The following ENTPD2 variants were observed in gnomAD, a reference collection of about 807,000 sequenced individuals.
ENTPD2 encodes CD39 antigen-like 1.
Under a neutral mutation model 46.8 loss-of-function variants are expected in ENTPD2, and 48 were observed. That is an observed-to-expected ratio of 1.03 (90% CI 0.81 to 1.30). The LOEUF is 1.30. Ranked by LOEUF, ENTPD2 falls within the 50% of genes most tolerant of loss-of-function variation. The probability of loss-of-function intolerance (pLI) is 0.00; values close to 1 mark genes in which losing one functional copy is unlikely to be tolerated. For synonymous variants in ENTPD2, 316 were observed against 286.1 expected (o/e 1.10, Z -1.06); for missense variants, 707 against 651.1 (o/e 1.09, Z -0.93).
In ENTPD2 at chr9:137,048,496, G is replaced by C; in HGVS notation, c.*161C>G. ...AGCGGTGGGGGATAGAGGGTGGGTG[G>C]AGGAATGCAGGATACAGGGGCGGGG... On this transcript the variant is annotated 3_prime_UTR_variant, in exon 9 of 9. Transcript: ENST00000355097. The C allele has an allele frequency of 1.8e-6, 1 of 568,988 alleles. No individual in the cohort carries two copies. The highest frequency in any genetic ancestry group is 3.0e-6 in the Non-Finnish European group (1 of 328,880). The allele number at this position is 568,988 out of a possible 1,614,324, so 35.2% of individuals were successfully genotyped here.
At position 137,052,361 on chromosome 9, in the gene ENTPD2, G is replaced by T; in HGVS notation, c.118-13C>A. The T allele has an allele frequency of 2.8e-6, 4 of 1,452,036 alleles. No homozygotes were observed. The highest frequency in any genetic ancestry group is 2.3e-5 in the South Asian group (2 of 87,496). The allele number at this position is 1,452,036 out of a possible 1,614,324, so 89.9% of individuals were successfully genotyped here. A position where few individuals can be genotyped will look rare whatever the true frequency, so the allele number is the denominator to read the frequency against. The stretch of plus-strand genomic sequence containing the variant: ...GGACGATGCCATACTGCGGGGGAGG[G>T]GGAGGGAGTCAGCCTGGGGTGTCCG... On this transcript the variant is annotated splice_polypyrimidine_tract_variant and intron_variant, in intron 1 of 8. Coordinates refer to ENST00000355097, the MANE Select transcript of ENTPD2 (RefSeq NM_203468.3).
At chr9:137,051,773 C>CA in intron 2 of ENTPD2, 113 bp from the exon 3 acceptor site, 1 of 1,420,904 alleles carries the variant, frequency 7.0e-7, no homozygotes, top group Non-Finnish European at 9.2e-7. Context: ...CCAGGTGGCA[C>CA]ACCTTCCCTG....
At position 137,049,024 on chromosome 9, in the gene ENTPD2, C is replaced by A; in HGVS notation, c.1201G>T (p.Gly401Trp). 6.5e-7 allele frequency: 1 copy of A among 1,537,082 alleles called. No homozygotes were observed. Among genetic ancestry groups the A allele is most frequent in the Non-Finnish European group, 8.7e-7 (1 of 1,145,552 alleles). Residue 401 changes from glycine (G) to tryptophan (W), a missense_variant, in exon 8 of 9, where the codon GGG becomes TGG. By Grantham distance (184) the Gly-to-Trp change is radical. Coordinates refer to ENST00000355097, the MANE Select transcript of ENTPD2 (RefSeq NM_203468.3). The stretch of plus-strand genomic sequence containing the variant: ...AGCAGCTGCTGCACGAACATGGCCC[C>A]GGCGCAGTAGTCGGCCAGGCGGGCC... Reference protein sequence around the residue: ...QRARLADYCAGAMFVQQLLSR... With the variant: ...QRARLADYCAWAMFVQQLLSR...
In ENTPD2 at chr9:137,052,362, G is replaced by A. The variant is rs1832316047; in HGVS notation, c.118-14C>T. On this transcript the variant is annotated splice_polypyrimidine_tract_variant and intron_variant, in intron 1 of 8. Coordinates refer to ENST00000355097, the MANE Select transcript of ENTPD2 (RefSeq NM_203468.3). ...GACGATGCCATACTGCGGGGGAGGG[G>A]GAGGGAGTCAGCCTGGGGTGTCCGG... 1.1e-5 allele frequency: 16 copies of A among 1,442,986 alleles called. No homozygotes were observed. The highest frequency in any genetic ancestry group is 1.6e-5 in the Non-Finnish European group (16 of 1,030,064). 89.4% of individuals were successfully genotyped at this position (1,442,986 alleles called of 1,614,324 possible). A position where few individuals can be genotyped will look rare whatever the true frequency, so the allele number is the denominator to read the frequency against.
rs1215177629 is a variant in ENTPD2, at chr9:137,048,859, G to A, written c.1286C>T (p.Ala429Val). ...CGCCCAGCCCACTGCAGTGTCCGCGGCCTGCGGGGAAGGGCGTGGCCTCAG... is the reference window on the plus strand; with the variant it reads ...CGCCCAGCCCACTGCAGTGTCCGCGACCTGCGGGGAAGGGCGTGGCCTCAG... ...AFGGVIFQKK[A>V]ADTAVGWALG... The change falls in exon 9 of 9, where the codon GCC becomes GTC. Residue 429 changes from alanine to valine, a missense_variant and splice_region_variant. Coordinates refer to ENST00000355097, the MANE Select transcript of ENTPD2 (RefSeq NM_203468.3). 2.6e-6 allele frequency: 4 copies of A among 1,533,690 alleles called. No homozygotes were observed. The highest frequency in any genetic ancestry group is 3.5e-6 in the Non-Finnish European group (4 of 1,142,650).
rs754223882 is a variant in ENTPD2 at position 137,049,861 on chromosome 9, G to A, written c.1149+9C>T. ...CGCACAGCCCTGAAGGAGTGGGAGC[G>A]GGGCTCACCTGAGCCCAGGTCTGGT... On this transcript the variant is annotated intron_variant, in intron 7 of 8. Transcript: ENST00000355097. 2.6e-5 allele frequency: 41 copies of A among 1,607,220 alleles called. No individual in the cohort carries two copies. The highest frequency in any genetic ancestry group is 3.1e-5 in the Non-Finnish European group (37 of 1,177,298).
intron 2 of ENTPD2, 136 bp downstream of exon 2, chr9:137,052,095 C>T: frequency 1.3e-6 from 1 of 779,728 alleles, no homozygotes; most frequent in African/African-American, 1.7e-5. Flanking sequence ...GCACCAGCCT[C>T]TCTCTTTCCA....
rs374694972 is a variant in ENTPD2, at chr9:137,050,555, C to T, written c.775-17G>A. 39 of 1,607,930 alleles carry T rather than the reference C, an allele frequency of 2.4e-5. No homozygotes were observed. Among genetic ancestry groups the T allele is most frequent in the South Asian group, 4.4e-5 (4 of 90,778 alleles). ...GCCGTGGGTCTGGGGGAATCACCAG[C>T]GTGACAGGGTGGCACCACCACCGCT... is the stretch of plus-strand genomic sequence containing the variant. On this transcript the variant is annotated splice_polypyrimidine_tract_variant and intron_variant, in intron 5 of 8. Coordinates refer to ENST00000355097, the MANE Select transcript of ENTPD2 (RefSeq NM_203468.3).
At chr9:137,049,223 A>G (rs1441128122) in intron 7 of ENTPD2, 148 bp from the exon 8 acceptor site, 8 of 1,323,262 alleles carry the variant, frequency 6.0e-6, no homozygotes, top group Non-Finnish European at 8.4e-6. Flanking sequence ...CCGGACACGA[A>G]TGGCAAGACC....
At chr9:137,052,488 AGAG>A in intron 1 of ENTPD2, 140 bp from the exon 2 acceptor site, 5 of 648,674 alleles carry the variant, frequency 7.7e-6, no homozygotes, top group Non-Finnish European at 1.3e-5. Context: ...GCTGAAGCTC[AGAG>A]GAGGCCAGGG....
intron 7 of ENTPD2, 116 bp downstream of exon 7, chr9:137,049,754 T>C: frequency 8.3e-7 from 1 of 1,207,198 alleles, no homozygotes; most frequent in Non-Finnish European, 1.1e-6. Context: ...ATGCCTGCCA[T>C]CGCCCCCACT....
rs774359077 is a variant in ENTPD2, at chr9:137,049,171, G to A, written c.1150-96C>T. 56 of 1,524,438 alleles carry A rather than the reference G, an allele frequency of 3.7e-5. 3 individuals are homozygous for A. The South Asian group carries it at 5.9e-4, about 16-fold the overall frequency. 94.4% of individuals were successfully genotyped at this position (1,524,438 alleles called of 1,614,324 possible). A position where few individuals can be genotyped will look rare whatever the true frequency, so the allele number is the denominator to read the frequency against. ...CGGCGGCGTGCTTCACCCCTCCCCA[G>A]ACACACACGGGCCGTGCGAGGCCAG... On this transcript the variant is annotated intron_variant, in intron 7 of 8. Coordinates refer to ENST00000355097, the MANE Select transcript of ENTPD2 (RefSeq NM_203468.3).
At chr9:137,051,780 C>T in intron 2 of ENTPD2, 120 bp from the exon 3 acceptor site, 2 of 1,395,278 alleles carry the variant, frequency 1.4e-6, no homozygotes, top group Non-Finnish European at 1.9e-6. Context: ...GCACACCTTC[C>T]CTGCTTAAGC....
chr9:137,050,018 G>T, intron 6 of ENTPD2, 29 bp from the exon 7 acceptor site: 2 of 1,598,850 alleles, frequency 1.3e-6, no homozygotes. Context: ...CACTGTGACC[G>T]AACCCCAGCG....
Position 137,051,641 on chromosome 9 carries a change from A to G in ENTPD2, c.255T>C (p.Tyr85=), listed in dbSNP as rs769941669. 15 of 1,611,534 alleles carry G rather than the reference A, an allele frequency of 9.3e-6. No individual in the cohort carries two copies. The Admixed American group carries it at 1.8e-4, about 20-fold the overall frequency. The stretch of plus-strand genomic sequence containing the variant: ...GGCTGGCCCCAGAAGGGTTGTCTGC[A>G]TAGCTGGAGATGCCCCCACCTAGAG... The part of the protein sequence containing the change: ...CDVPGGGISS[Y]ADNPSGASQS... The change falls in exon 3 of 9, where the codon TAT becomes TAC. Residue 85 remains tyrosine (Y), a synonymous_variant. Coordinates refer to ENST00000355097, the MANE Select transcript of ENTPD2 (RefSeq NM_203468.3).
rs1296563328 is a variant in ENTPD2, at chr9:137,048,534, AGAGGGGTGGGTG to A, written c.*111_*122del. On this transcript the variant is annotated 3_prime_UTR_variant, in exon 9 of 9. Transcript: ENST00000355097. ...TACAGGGGCGGGGAGAGAGGTTGGG[AGAGGGGTGGGTG>A]GAGGGGTGGGGATACAGGGGTGGGA... 8 of 617,696 alleles carry A rather than the reference AGAGGGGTGGGTG, an allele frequency of 1.3e-5. No homozygotes were observed. The highest frequency in any genetic ancestry group is 3.4e-5 in the Admixed American group (1 of 29,268). 38.3% of individuals were successfully genotyped at this position (617,696 alleles called of 1,614,324 possible). A position where few individuals can be genotyped will look rare whatever the true frequency, so the allele number is the denominator to read the frequency against.
At position 137,048,924 on chromosome 9, in the gene ENTPD2, G is replaced by GC; in HGVS notation, c.1284+16dup. 2 of 701,432 alleles carry GC rather than the reference G, an allele frequency of 2.9e-6. No homozygotes were observed. The highest frequency in any genetic ancestry group is 2.1e-6 in the Non-Finnish European group (1 of 472,494). 43.5% of individuals were successfully genotyped at this position (701,432 alleles called of 1,614,324 possible). A position where few individuals can be genotyped will look rare whatever the true frequency, so the allele number is the denominator to read the frequency against. On this transcript the variant is annotated intron_variant, in intron 8 of 8. Coordinates refer to ENST00000355097, the MANE Select transcript of ENTPD2 (RefSeq NM_203468.3). The stretch of plus-strand genomic sequence containing the variant: ...CGCCCCGCAAGGTCGGCCCCGCCCC[G>GC]CCCCGCCCCAGCCCACCTTCTTCTG...
In ENTPD2 at chr9:137,048,785, C is replaced by CCGGCGGGT; in HGVS notation, c.1352_1359dup (p.Gly454ThrfsTer127). 1 of 1,591,566 alleles carries CCGGCGGGT rather than the reference C, an allele frequency of 6.3e-7. No individual in the cohort carries two copies. Among genetic ancestry groups the CCGGCGGGT allele is most frequent in the Non-Finnish European group, 8.6e-7 (1 of 1,168,362 alleles). ...CTGAAGTCTGTGCCCTTGCGCAGCCCCGGCGGGTCGGCGGGGATCAGGTTG... is the reference window on the plus strand; with the variant it reads ...CTGAAGTCTGTGCCCTTGCGCAGCCCCGGCGGGTCGGCGGGTCGGCGGGGATCAGGTTG... On this transcript the variant is annotated frameshift_variant, in exon 9 of 9. Transcript: ENST00000355097. LOFTEE classifies it low-confidence loss of function (END_TRUNC).
Position 137,051,134 on chromosome 9 carries a change from GGA to G in ENTPD2, c.547-7_547-6del, listed in dbSNP as rs1832284341. On this transcript the variant is annotated splice_polypyrimidine_tract_variant and splice_region_variant and intron_variant, in intron 4 of 8. Transcript: ENST00000355097. ...CCACCGGCCCACCCAGCCGTACTGT[GGA>G]GAGGGGAGTGTGGGGTCAACCAGGG... 1 of 1,612,788 alleles carries G rather than the reference GGA, an allele frequency of 6.2e-7. No individual in the cohort carries two copies.
Sources: gnomAD v4.1 joint callset for allele counts on GRCh38, gnomAD v4.1.1 for gene constraint, MANE v1.5 for transcripts, NCBI Gene and HGNC (gene_info 2026-07-23, HGNC 2026-07-21) for gene names.